Variants in HTR2C observed in about 807,000 individuals in gnomAD.
HTR2C encodes 5-hydroxytryptamine (serotonin) receptor 2C, G protein-coupled.
HTR2C carries 5 observed loss-of-function variants against 21.0 expected under a neutral mutation model. That is an observed-to-expected ratio of 0.24 (90% CI 0.12 to 0.50). The LOEUF (loss-of-function observed/expected upper bound fraction) is 0.50. Among genes scored for constraint, HTR2C ranks in the 20% least tolerant of loss-of-function variants. The pLI, the probability that HTR2C is intolerant of heterozygous loss-of-function variation, is 0.98. For missense variants in HTR2C, 271 were observed against 371.2 expected, an observed-to-expected ratio of 0.73 and a Z score of 2.22; for synonymous variants, 150 against 145.3, an observed-to-expected ratio of 1.03 and a Z score of -0.23.
chrX:114,752,350 T>C (rs181949350), intron 4 of HTR2C, among the ~76,000 whole-genome samples: 1 of 111,631 alleles, frequency 9.0e-6, no homozygotes, highest in Non-Finnish European at 1.9e-5. Context: ...ATAAGCTGCA[T>C]TTTTACTTAC....
intron 2 of HTR2C, among the ~76,000 whole-genome samples, chrX:114,682,425 G>A (rs781918953): frequency 3.6e-4 from 40 of 110,855 alleles, no homozygotes; most frequent in African/African-American, 1.2e-3. Flanking sequence ...ATAATTGGTG[G>A]GCGGCAACAC....
intron 2 of HTR2C, among the ~76,000 whole-genome samples, chrX:114,670,591 T>C (rs868906652): frequency 8.9e-6 from 1 of 112,417 alleles, no homozygotes; most frequent in Non-Finnish European, 1.9e-5. Context: ...TGAATTGATA[T>C]TTTTAGGCAA....
intron 4 of HTR2C, among the ~76,000 whole-genome samples, chrX:114,754,565 G>GA (rs1556429258): frequency 9.0e-6 from 1 of 110,989 alleles, no homozygotes; most frequent in African/African-American, 3.3e-5. Context: ...TGGTGCCAAA[G>GA]AAAATGGTCC....
intron 2 of HTR2C, among the ~76,000 whole-genome samples, chrX:114,658,316 T>C (rs185756458): frequency 2.8e-4 from 31 of 111,685 alleles, no homozygotes; most frequent in Admixed American, 6.7e-4. Context: ...AAATGACTGA[T>C]ACAATTAATT....
chrX:114,803,868 A>T (rs1372833741), intron 4 of HTR2C, among the ~76,000 whole-genome samples: 1 of 111,771 alleles, frequency 8.9e-6, no homozygotes, highest in Non-Finnish European at 1.9e-5. Context: ...AAATATTATA[A>T]TTCCTCTATT....
chrX:114,903,703 C>T (rs7885452), intron 5 of HTR2C, among the ~76,000 whole-genome samples: 2,806 of 112,315 alleles, frequency 0.025, 88 homozygotes, highest in African/African-American at 0.086. Flanking sequence ...TACAAACTTC[C>T]ACCAATCTCA....
chrX:114,873,137 G>T (rs1556477001), intron 5 of HTR2C, among the ~76,000 whole-genome samples: 2 of 111,158 alleles, frequency 1.8e-5, no homozygotes, highest in East Asian at 2.8e-4. Flanking sequence ...CTTATAGAGA[G>T]AATATAACTG....
intron 2 of HTR2C, among the ~76,000 whole-genome samples, chrX:114,706,941 T>A (rs1205092989): frequency 8.1e-5 from 9 of 110,931 alleles, no homozygotes. Context: ...TACATGGTAA[T>A]AATTTGATAA....
chrX:114,838,241 G>C (rs1556464616), intron 4 of HTR2C, among the ~76,000 whole-genome samples: 1 of 111,275 alleles, frequency 9.0e-6, no homozygotes, highest in African/African-American at 3.3e-5. Flanking sequence ...TTCAAGTTTT[G>C]CTATTGACAC....
intron 4 of HTR2C, among the ~76,000 whole-genome samples, chrX:114,757,490 C>T (rs1051235922): frequency 8.1e-5 from 9 of 111,232 alleles, no homozygotes; most frequent in Admixed American, 4.8e-4. Context: ...ATGTATAAGG[C>T]CAAGTCTTTA....
In HTR2C at chrX:114,812,594, G is replaced by A. The variant is rs1428044931; in HGVS notation, c.350-35409G>A. On this transcript the variant is annotated intron_variant, in intron 4 of 5. Coordinates refer to ENST00000276198, the MANE Select transcript of HTR2C (RefSeq NM_000868.4). ...AAACTACGAAAATTAGCCGGGCGTGGTGGTGAGCCCTGTAATCCCAGCTAC... is the reference window on the plus strand; with the variant it reads ...AAACTACGAAAATTAGCCGGGCGTGATGGTGAGCCCTGTAATCCCAGCTAC... 1.5e-4 allele frequency among the ~76,000 whole-genome samples: 16 copies of A among 110,013 alleles called. No individual in the cohort carries two copies. In the Admixed American group the frequency reaches 1.6e-3, roughly 11 times the overall value.
At chrX:114,630,821 G>T (rs782735605) in intron 2 of HTR2C, 1 of 370,498 alleles carries the variant, frequency 2.7e-6, no homozygotes, top group Non-Finnish European at 5.3e-6. Context: ...GACCCATTGG[G>T]CTCCATCTTG....
Position 114,731,280 on chromosome X carries a change from T to C in HTR2C, c.36-14T>C. The C allele has an allele frequency of 1.8e-6, 2 of 1,139,011 alleles. No individual in the cohort carries two copies. The highest frequency in any genetic ancestry group is 2.4e-6 in the Non-Finnish European group (2 of 847,228). 93.9% of individuals were successfully genotyped at this position (1,139,011 alleles called of 1,213,427 possible). ...AATATGTACCTGATTGTTTTTTTTT[T>C]TCTTAATTTTCAGTGTGCACCTAAT... On this transcript the variant is annotated splice_polypyrimidine_tract_variant and intron_variant, in intron 3 of 5. Coordinates refer to ENST00000276198, the MANE Select transcript of HTR2C (RefSeq NM_000868.4).
At chrX:114,733,043 A>G (rs1556423707) in intron 4 of HTR2C, among the ~76,000 whole-genome samples, 1 of 112,004 alleles carries the variant, frequency 8.9e-6, no homozygotes, top group Non-Finnish European at 1.9e-5. Context: ...GCGTAGAAGA[A>G]GAGTAGTCCA....
intron 4 of HTR2C, chrX:114,775,908 C>A: frequency 2.7e-6 from 1 of 370,743 alleles, no homozygotes; most frequent in South Asian, 3.8e-5. Context: ...GTACAGAAGT[C>A]AATTCATTCT....
At chrX:114,622,079 A>G (rs782060099) in intron 2 of HTR2C, among the ~76,000 whole-genome samples, 37 of 111,945 alleles carry the variant, frequency 3.3e-4, no homozygotes, top group Non-Finnish European at 6.4e-4. Context: ...TATACAAATG[A>G]TCAGGGCTTG....
chrX:114,901,523 A>G (rs2071337311), intron 5 of HTR2C, among the ~76,000 whole-genome samples: 1 of 111,993 alleles, frequency 8.9e-6, no homozygotes, highest in Admixed American at 9.5e-5. Context: ...TAGAAGTAAC[A>G]TATGATATTT....
chrX:114,727,574 A>G (rs1027618235), intron 3 of HTR2C, among the ~76,000 whole-genome samples: 11 of 112,093 alleles, frequency 9.8e-5, no homozygotes, highest in Admixed American at 2.8e-4. Context: ...ACATAGAAAA[A>G]TGTTGGTTTC....
rs1281495537 is a variant in HTR2C at position 114,587,132 on chromosome X, A to C, written c.-147+2473A>C. ...AGCTAAGGGAAACACAAAAATTAAA[A>C]CAAAATTTGGGGGAGAGATTATAGT... On this transcript the variant is annotated intron_variant, in intron 1 of 5. Coordinates refer to ENST00000276198, the MANE Select transcript of HTR2C (RefSeq NM_000868.4). Among the ~76,000 whole-genome samples, 3 of 111,991 alleles carry C rather than the reference A, an allele frequency of 2.7e-5. No homozygotes were observed. The East Asian group carries it at 8.4e-4, about 31-fold the overall frequency.
Sources: allele counts gnomAD v4.1 joint callset (sites outside exome capture counted in the v4.1 genomes callset), GRCh38; gene constraint gnomAD v4.1.1; transcripts MANE v1.5; gene names NCBI Gene and HGNC (gene_info 2026-07-23, HGNC 2026-07-21).